The following ONECUT1 variants were observed in gnomAD, a reference collection of about 807,000 sequenced individuals.
ONECUT1 encodes the protein hepatocyte nuclear factor 6.
Under a neutral mutation model 25.6 loss-of-function variants are expected in ONECUT1, and 12 were observed. The ratio of observed to expected loss-of-function variants is 0.47; its 90% CI spans 0.30 to 0.76. The LOEUF is 0.76. Ranked by LOEUF, ONECUT1 falls within the 30% of genes least tolerant of loss-of-function variation. ONECUT1 has a pLI of 0.07. For synonymous variants in ONECUT1, 285 were observed against 270.2 expected (o/e 1.05, Z -0.54); for missense variants, 620 against 651.2 (o/e 0.95, Z 0.52).
intron 1 of ONECUT1, among the ~76,000 whole-genome samples, chr15:52,777,115 A>C (rs1282350880): frequency 6.6e-6 from 1 of 152,236 alleles, no homozygotes; most frequent in East Asian, 1.9e-4. Flanking sequence ...AAGGATCTTG[A>C]AGTTTTGAGT....
At chr15:52,787,653 A>AGGGGGGGGGGGGGGG (rs1255483635) in intron 1 of ONECUT1, 1 of 89,758 alleles carries the variant, frequency 1.1e-5, no homozygotes, top group Non-Finnish European at 2.3e-5. Context: ...GTGGGGGGGG[A>AGGGGGGGGGGGGGGG]GGGGGCATGG....
chr15:52,773,131 A>C (rs2083778861), intron 1 of ONECUT1, among the ~76,000 whole-genome samples: 1 of 152,192 alleles, frequency 6.6e-6, no homozygotes. Flanking sequence ...AACATTTTTA[A>C]GCAGGTTTGT....
In ONECUT1 at chr15:52,755,863, G is replaced by A. The variant is rs2083671503; in HGVS notation, c.*1692C>T. Among the ~76,000 whole-genome samples, 1 of 151,474 alleles carries A rather than the reference G, an allele frequency of 6.6e-6. No individual in the cohort carries two copies. The highest frequency in any genetic ancestry group is 1.5e-5 in the Non-Finnish European group (1 of 68,016). On this transcript the variant is annotated 3_prime_UTR_variant, in exon 2 of 2. Coordinates refer to ENST00000305901, the MANE Select transcript of ONECUT1 (RefSeq NM_004498.4). ...TCTGGGAATCAAGTGATTCACTGGG[G>A]TACCACTAATACGACTTCATTTTTT...
In ONECUT1 at chr15:52,789,715, G is replaced by A; in HGVS notation, c.170C>T (p.Ser57Phe). ...GCCGCCGCTGCCGCCGTCCAGCAGGGACGCCATGCCCATGGAGCGCGGGTG... is the reference window on the plus strand; with the variant it reads ...GCCGCCGCTGCCGCCGTCCAGCAGGAACGCCATGCCCATGGAGCGCGGGTG... ...PAHPRSMGMA[S>F]LLDGGSGGGD... Residue 57 changes from serine to phenylalanine, a missense_variant, in exon 1 of 2, where the codon TCC (serine) becomes TTC (phenylalanine). By Grantham distance (155) the Ser-to-Phe change is radical (BLOSUM62 -2). Around this residue, in one of 4 missense-constraint regions of ONECUT1, gnomAD observed 440 missense variants for 404.9 expected, o/e 1.09. Coordinates refer to ENST00000305901, the MANE Select transcript of ONECUT1 (RefSeq NM_004498.4). The surrounding 1 kb of genome is among the most constrained non-coding windows in gnomAD (Gnocchi z 4.1). 1 of 1,474,084 alleles carries A rather than the reference G, an allele frequency of 6.8e-7. No homozygotes were observed. The highest frequency in any genetic ancestry group is 8.9e-7 in the Non-Finnish European group (1 of 1,121,024). The allele number at this position is 1,474,084 out of a possible 1,614,324, so 91.3% of individuals were successfully genotyped here. A position where few individuals can be genotyped will look rare whatever the true frequency, so the allele number is the denominator to read the frequency against.
Position 52,789,219 on chromosome 15 carries a change from G to C in ONECUT1, c.666C>G (p.His222Gln), listed in dbSNP as rs1351615500. The C allele has an allele frequency of 3.8e-6, 6 of 1,561,216 alleles. No individual in the cohort carries two copies. The highest frequency in any genetic ancestry group is 2.7e-5 in the African/African-American group (2 of 73,866). ...CCCCGTGGCGGCCGAGCATGGCCGG[G>C]TGGTGGGCTTCGAAGCCGTTGGGGG... ...MLTPNGFEAHHPAMLGRHGEQ... is the reference protein window; with the variant it reads ...MLTPNGFEAHQPAMLGRHGEQ... Residue 222 changes from histidine (H) to glutamine (Q), a missense_variant, in exon 1 of 2, where the codon CAC becomes CAG. Around this residue, in one of 4 missense-constraint regions of ONECUT1, gnomAD observed 440 missense variants for 404.9 expected, o/e 1.09. Transcript: ENST00000305901. This position sits in a 1 kb window ranked among gnomAD's most constrained non-coding sequence, Gnocchi z 4.1.
chr15:52,764,933 C>T (rs1596047024), intron 1 of ONECUT1, among the ~76,000 whole-genome samples: 1 of 152,190 alleles, frequency 6.6e-6, no homozygotes, highest in African/African-American at 2.4e-5. Context: ...TTTGCTGCTC[C>T]AATGCCTCTG....
At chr15:52,762,848 C>T (rs1342872009) in intron 1 of ONECUT1, among the ~76,000 whole-genome samples, 1 of 152,146 alleles carries the variant, frequency 6.6e-6, no homozygotes, top group Non-Finnish European at 1.5e-5. Context: ...CTTCTAGAAG[C>T]TTTCACCAGA....
In ONECUT1 at chr15:52,784,776, G is replaced by A. The variant is rs1053966946; in HGVS notation, c.1105+4004C>T. Among the ~76,000 whole-genome samples the A allele has an allele frequency of 1.3e-5, 2 of 152,222 alleles. No homozygotes were observed. Among genetic ancestry groups the A allele is most frequent in the African/African-American group, 4.8e-5 (2 of 41,466 alleles). ...AGGTGTGTGTGTGTGAGGGTCCCCA[G>A]TTGACTACCGGGATGCACTGCCACT... On this transcript the variant is annotated intron_variant, in intron 1 of 1. Transcript: ENST00000305901. This position sits in a 1 kb window ranked among gnomAD's most constrained non-coding sequence, Gnocchi z 5.0.
At chr15:52,786,216 C>G (rs2440318) in intron 1 of ONECUT1, among the ~76,000 whole-genome samples, 3,752 of 152,334 alleles carry the variant, frequency 0.025, 146 homozygotes, top group African/African-American at 0.086. Flanking sequence ...TAACCCCACT[C>G]TTTTTAAAAT....
In ONECUT1 at chr15:52,756,564, G is replaced by A. The variant is rs1190422781; in HGVS notation, c.*991C>T. Reference sequence around the variant, plus strand: ...GAACCATGTCTATCTCTCTACTTAAGTGACATTTATGGATCCTGAAAAGGA... The same window carrying A: ...GAACCATGTCTATCTCTCTACTTAAATGACATTTATGGATCCTGAAAAGGA... On this transcript the variant is annotated 3_prime_UTR_variant, in exon 2 of 2. Transcript: ENST00000305901. Among the ~76,000 whole-genome samples the A allele has an allele frequency of 6.6e-6, 1 of 152,220 alleles. No individual in the cohort carries two copies. Among genetic ancestry groups the A allele is most frequent in the African/African-American group, 2.4e-5 (1 of 41,450 alleles).
intron 1 of ONECUT1, among the ~76,000 whole-genome samples, chr15:52,761,907 A>G (rs903330606): frequency 6.6e-6 from 1 of 152,198 alleles, no homozygotes; most frequent in African/African-American, 2.4e-5. Context: ...AACAAATTGC[A>G]TTGGATGTGT....
Position 52,789,160 on chromosome 15 carries a change from A to G in ONECUT1, c.725T>C (p.Val242Ala), listed in dbSNP as rs200453709. 3.1e-4 allele frequency: 490 copies of G among 1,592,508 alleles called. 6 individuals are homozygous for G. In the East Asian group the frequency reaches 9.3e-3, roughly 30 times the overall value. The stretch of plus-strand genomic sequence containing the variant: ...GTGCGGAGGAAGGCCGTTGATGGGC[A>G]CCATGCCGGCCGAGGTGGGCGTGAG... ...QHLTPTSAGMVPINGLPPHHP... is the reference protein window; with the variant it reads ...QHLTPTSAGMAPINGLPPHHP... The change falls in exon 1 of 2, where the codon GTG (valine) becomes GCG (alanine). Residue 242 changes from valine (V) to alanine (A), a missense_variant. Physicochemically the swap from Val to Ala is moderately conservative, Grantham distance 64 (BLOSUM62 0). Transcript: ENST00000305901. The surrounding 1 kb of genome is among the most constrained non-coding windows in gnomAD (Gnocchi z 4.1).
chr15:52,782,835 C>T (rs990629345), intron 1 of ONECUT1, among the ~76,000 whole-genome samples: 2 of 152,106 alleles, frequency 1.3e-5, no homozygotes, highest in Non-Finnish European at 2.9e-5. Context: ...TTTAAATATT[C>T]CAATAAATGG....
intron 1 of ONECUT1, among the ~76,000 whole-genome samples, chr15:52,762,239 C>G (rs115326670): frequency 1.3e-5 from 2 of 152,208 alleles, no homozygotes; most frequent in South Asian, 2.1e-4. Flanking sequence ...TCTGCTGAAG[C>G]TACCCCTGAG....
At chr15:52,772,160 C>T (rs1045446391) in intron 1 of ONECUT1, among the ~76,000 whole-genome samples, 6 of 151,596 alleles carry the variant, frequency 4.0e-5, no homozygotes, top group East Asian at 1.9e-4. Flanking sequence ...TTTGGGAGGC[C>T]GAGGCGGGTG....
chr15:52,765,380 C>A (rs1596047218), intron 1 of ONECUT1, among the ~76,000 whole-genome samples: 1 of 152,310 alleles, frequency 6.6e-6, no homozygotes, highest in East Asian at 1.9e-4. Flanking sequence ...GGTGAGCCCT[C>A]TGCTCTCACC....
intron 1 of ONECUT1, among the ~76,000 whole-genome samples, chr15:52,773,639 T>C (rs1209461596): frequency 6.6e-6 from 1 of 152,088 alleles, no homozygotes; most frequent in East Asian, 1.9e-4. Context: ...ATCAAAGAAG[T>C]GGCACATTCT....
intron 1 of ONECUT1, among the ~76,000 whole-genome samples, chr15:52,762,045 A>C (rs1309489304): frequency 6.6e-6 from 1 of 152,192 alleles, no homozygotes; most frequent in Non-Finnish European, 1.5e-5. Context: ...AGGTCTCTAG[A>C]TGGTAAATTA....
intron 1 of ONECUT1, among the ~76,000 whole-genome samples, chr15:52,762,276 G>T (rs112092249): frequency 1.4e-4 from 21 of 152,318 alleles, no homozygotes; most frequent in African/African-American, 5.1e-4. Context: ...GGCATCAGAA[G>T]AATGATACTC....
Sources: gnomAD v4.1 joint callset for allele counts (sites outside exome capture counted in the v4.1 genomes callset) on GRCh38, gnomAD v4.1.1 for gene constraint, gnomAD v4.1.1 regional missense constraint, Gnocchi (gnomAD v3.1) non-coding constraint, MANE v1.5 for transcripts, NCBI Gene and HGNC (gene_info 2026-07-23, HGNC 2026-07-21) for gene names.